Variants in ZC3H12C observed in about 807,000 individuals in gnomAD.
ZC3H12C encodes the protein probable ribonuclease ZC3H12C.
A neutral mutation model predicts 76.3 loss-of-function variants in ZC3H12C; 20 were observed. The observed-to-expected ratio is 0.26, with a 90% CI of 0.18 to 0.38. The LOEUF is 0.38. Ranked by LOEUF, ZC3H12C falls within the 10% of genes least tolerant of loss-of-function variation. ZC3H12C has a pLI of 1.00. For missense variants in ZC3H12C, 874 were observed against 1,086.5 expected, an observed-to-expected ratio of 0.80 and a Z score of 2.75; for synonymous variants, 352 against 399.6, an observed-to-expected ratio of 0.88 and a Z score of 1.42.
chr11:110,118,462 A>G (rs1861600227), intron 1 of ZC3H12C, among the ~76,000 whole-genome samples: 1 of 152,108 alleles, frequency 6.6e-6, no homozygotes. Flanking sequence ...CTCCATTCGC[A>G]CCAGCAAGAA....
At chr11:110,142,681 T>C (rs982147696) in intron 2 of ZC3H12C, among the ~76,000 whole-genome samples, 3 of 152,182 alleles carry the variant, frequency 2.0e-5, no homozygotes, top group African/African-American at 7.2e-5. Flanking sequence ...ACTTCCATAG[T>C]AATTTTGGTG....
intron 1 of ZC3H12C, among the ~76,000 whole-genome samples, chr11:110,122,557 T>C (rs1294153484): frequency 6.6e-6 from 1 of 152,204 alleles, no homozygotes; most frequent in African/African-American, 2.4e-5. Flanking sequence ...TTGATGGTTG[T>C]TCACCTTAAG....
chr11:110,103,959 G>C (rs1861269685), intron 1 of ZC3H12C, among the ~76,000 whole-genome samples: 1 of 145,768 alleles, frequency 6.9e-6, no homozygotes, highest in African/African-American at 2.5e-5. Context: ...TATGCTTTTT[G>C]TTTGCTTTAG....
At chr11:110,161,171 T>C (rs1465789786) in intron 4 of ZC3H12C, among the ~76,000 whole-genome samples, 1 of 152,202 alleles carries the variant, frequency 6.6e-6, no homozygotes, top group Non-Finnish European at 1.5e-5. Flanking sequence ...TCGAGTATTA[T>C]GCGCAGTCCA....
intron 1 of ZC3H12C, among the ~76,000 whole-genome samples, chr11:110,118,611 A>C (rs1861602695): frequency 6.6e-6 from 1 of 152,186 alleles, no homozygotes; most frequent in Non-Finnish European, 1.5e-5. Context: ...AGCCTGGCTG[A>C]CATGGTAAAG....
At chr11:110,105,590 A>G (rs1280031584) in intron 1 of ZC3H12C, among the ~76,000 whole-genome samples, 1 of 152,210 alleles carries the variant, frequency 6.6e-6, no homozygotes, top group East Asian at 1.9e-4. Context: ...ATATAAAATG[A>G]TAGTGAAAAT....
intron 2 of ZC3H12C, among the ~76,000 whole-genome samples, chr11:110,139,334 A>G (rs914583330): frequency 4.6e-5 from 7 of 152,232 alleles, no homozygotes; most frequent in Non-Finnish European, 5.9e-5. Flanking sequence ...TGAAAAGGTT[A>G]AAGCCAGATC....
intron 1 of ZC3H12C, among the ~76,000 whole-genome samples, chr11:110,115,748 CTTTTTTT>C (rs71476067): frequency 8.3e-6 from 1 of 120,320 alleles, no homozygotes; most frequent in Non-Finnish European, 1.7e-5. Flanking sequence ...TTCTCATTTT[CTTTTTTT>C]TTTTTTTTTT....
intron 1 of ZC3H12C, among the ~76,000 whole-genome samples, chr11:110,109,095 T>G (rs971836682): frequency 1.3e-5 from 2 of 152,224 alleles, no homozygotes; most frequent in African/African-American, 4.8e-5. Context: ...ATATATTTGG[T>G]TAGTTTGGGT....
At chr11:110,107,670 C>T (rs546115686) in intron 1 of ZC3H12C, among the ~76,000 whole-genome samples, 246 of 151,024 alleles carry the variant, frequency 1.6e-3, no homozygotes, top group African/African-American at 4.5e-3. Context: ...GGATTACAGG[C>T]GCCCGCCACC....
chr11:110,163,135 T>A (rs11213287), intron 4 of ZC3H12C, 138 bp from the exon 5 acceptor site: 1 of 612,314 alleles, frequency 1.6e-6, no homozygotes, highest in South Asian at 2.5e-5. Flanking sequence ...TTTTTTACTC[T>A]GTAAACGTGG....
intron 1 of ZC3H12C, among the ~76,000 whole-genome samples, chr11:110,135,695 A>C (rs1861945639): frequency 2.0e-5 from 3 of 152,146 alleles, no homozygotes; most frequent in African/African-American, 7.2e-5. Flanking sequence ...AAATAGGAAA[A>C]AAGATCACTT....
intron 1 of ZC3H12C, among the ~76,000 whole-genome samples, chr11:110,117,958 C>T (rs11213278): frequency 2.4e-5 from 2 of 82,766 alleles, no homozygotes; most frequent in African/African-American, 5.4e-5. Flanking sequence ...TATACACACA[C>T]ATATATACAC....
intron 1 of ZC3H12C, among the ~76,000 whole-genome samples, chr11:110,109,866 G>A (rs535897559): frequency 7.3e-4 from 111 of 152,240 alleles, no homozygotes; most frequent in Admixed American, 3.4e-3. Context: ...TTTTTAGATG[G>A]TTGGCTGGTT....
At chr11:110,147,192 C>T (rs567335446) in intron 2 of ZC3H12C, among the ~76,000 whole-genome samples, 3 of 152,238 alleles carry the variant, frequency 2.0e-5, no homozygotes, top group African/African-American at 4.8e-5. Flanking sequence ...CAGAGCACCT[C>T]GGCAAATGTT....
intron 2 of ZC3H12C, among the ~76,000 whole-genome samples, chr11:110,147,214 T>C (rs1862187387): frequency 6.6e-6 from 1 of 152,170 alleles, no homozygotes. Flanking sequence ...CCAGATCTTT[T>C]CAGAGCACTG....
intron 1 of ZC3H12C, chr11:110,131,844 C>G (rs10891061): frequency 0.25 from 37,601 of 152,118 alleles, 4,738 homozygotes; most frequent in Middle Eastern, 0.37. Flanking sequence ...CCCTATTGTG[C>G]GAACATATGC....
chr11:110,132,158 C>A (rs1861878395), intron 1 of ZC3H12C, among the ~76,000 whole-genome samples: 1 of 152,098 alleles, frequency 6.6e-6, no homozygotes. Flanking sequence ...ACATTACAAA[C>A]AAATAAGTCG....
chr11:110,160,631 A>T (rs1322941792), intron 4 of ZC3H12C, among the ~76,000 whole-genome samples: 2 of 152,176 alleles, frequency 1.3e-5, no homozygotes, highest in African/African-American at 4.8e-5. Context: ...TTCCCCTGGA[A>T]AGTCTCCAGG....
Sources: gnomAD v4.1 joint callset for allele counts (sites outside exome capture counted in the v4.1 genomes callset) on GRCh38, gnomAD v4.1.1 for gene constraint, MANE v1.5 for transcripts, NCBI Gene and HGNC (gene_info 2026-07-23, HGNC 2026-07-21) for gene names.